SCN2A: variants seen among roughly 807,000 people sequenced by gnomAD.
SCN2A encodes the protein sodium channel protein type 2 subunit alpha.
In SCN2A, 20 loss-of-function variants were observed where a neutral mutation model predicts 188.7. The ratio of observed to expected loss-of-function variants is 0.11; its 90% CI spans 0.07 to 0.15. The LOEUF is 0.15. SCN2A is among the 10% of genes least tolerant of loss of function. The pLI is 1.00. For missense variants in SCN2A, 1,278 were observed against 2,445.0 expected, an observed-to-expected ratio of 0.52 and a Z score of 10.07; for synonymous variants, 804 against 833.1, an observed-to-expected ratio of 0.97 and a Z score of 0.60.
At chr2:165,295,475 T>G (rs751351028) in intron 1 of SCN2A, among the ~76,000 whole-genome samples, 13 of 152,168 alleles carry the variant, frequency 8.5e-5, no homozygotes, top group Non-Finnish European at 1.8e-4. Context: ...CAAACCAGTA[T>G]CCTCCATTTC....
intron 17 of SCN2A, among the ~76,000 whole-genome samples, chr2:165,361,275 T>C (rs997218718): frequency 7.9e-5 from 12 of 152,034 alleles, no homozygotes; most frequent in Admixed American, 4.6e-4. Flanking sequence ...CATTAAAATA[T>C]GTTAACAACT....
intron 14 of SCN2A, among the ~76,000 whole-genome samples, chr2:165,338,019 T>G (rs1426675361): frequency 6.6e-6 from 1 of 152,142 alleles, no homozygotes; most frequent in Non-Finnish European, 1.5e-5. Flanking sequence ...ATCATCCAGG[T>G]AATAAGCATA....
intron 17 of SCN2A, among the ~76,000 whole-genome samples, chr2:165,360,406 T>C (rs932056596): frequency 1.3e-5 from 2 of 152,008 alleles, no homozygotes; most frequent in Non-Finnish European, 2.9e-5. Flanking sequence ...AAATGAAGTA[T>C]TGTACCTTGA....
chr2:165,337,596 T>A (rs766494649), intron 14 of SCN2A, among the ~76,000 whole-genome samples: 4 of 152,094 alleles, frequency 2.6e-5, no homozygotes, highest in Non-Finnish European at 5.9e-5. Context: ...GAAAAATATT[T>A]ACTATATACA....
intron 1 of SCN2A, among the ~76,000 whole-genome samples, chr2:165,278,767 C>T (rs1361898549): frequency 6.6e-6 from 1 of 152,054 alleles, no homozygotes; most frequent in African/African-American, 2.4e-5. Flanking sequence ...CCCATCTCTA[C>T]AAAATGTTAG....
intron 1 of SCN2A, among the ~76,000 whole-genome samples, chr2:165,251,221 A>G (rs538471992): frequency 1.1e-3 from 167 of 152,196 alleles, no homozygotes; most frequent in Non-Finnish European, 2.0e-3. Context: ...CAACAACAAC[A>G]AAGTGTGTTG....
In SCN2A at chr2:165,390,730, A is replaced by G. The variant is rs534998022; in HGVS notation, c.*906A>G. ...CAGCAGCATGACTATCACATTTTTG[A>G]TAAGTGTCCTTTGGCATAAAATAAA... is the stretch of plus-strand genomic sequence containing the variant. On this transcript the variant is annotated 3_prime_UTR_variant, in exon 27 of 27. Coordinates refer to ENST00000375437, the MANE Select transcript of SCN2A (RefSeq NM_001040142.2). The G allele has an allele frequency of 1.3e-5, 2 of 152,440 alleles. No homozygotes were observed. Among genetic ancestry groups the G allele is most frequent in the Non-Finnish European group, 2.9e-5 (2 of 68,004 alleles). 9.4% of individuals were successfully genotyped at this position (152,440 alleles called of 1,614,324 possible).
intron 26 of SCN2A, among the ~76,000 whole-genome samples, chr2:165,387,873 A>G (rs1261000214): frequency 6.6e-6 from 1 of 152,078 alleles, no homozygotes; most frequent in East Asian, 1.9e-4. Context: ...TAGCATTAAG[A>G]GGTAAGATTT....
At chr2:165,375,261 C>T (rs1433400496) in intron 22 of SCN2A, among the ~76,000 whole-genome samples, 1 of 151,914 alleles carries the variant, frequency 6.6e-6, no homozygotes, top group Non-Finnish European at 1.5e-5. Flanking sequence ...ATTAAATCAA[C>T]ATGTCAAAGA....
At chr2:165,278,197 C>T (rs903239551) in intron 1 of SCN2A, among the ~76,000 whole-genome samples, 3 of 152,102 alleles carry the variant, frequency 2.0e-5, no homozygotes, top group Admixed American at 1.3e-4. Context: ...TTTAGAAGAC[C>T]GTGAGCACAT....
chr2:165,279,177 T>C (rs1695478582), intron 1 of SCN2A, among the ~76,000 whole-genome samples: 1 of 152,196 alleles, frequency 6.6e-6, no homozygotes. Context: ...CTTTCCCATA[T>C]ACCACATTAT....
chr2:165,331,632 C>A, intron 14 of SCN2A, 64 bp downstream of exon 14: 2 of 1,232,516 alleles, frequency 1.6e-6, no homozygotes, highest in Non-Finnish European at 2.4e-6. Flanking sequence ...GTGAATTTTA[C>A]ATATTGCTCT....
At chr2:165,276,534 G>A (rs1250008043) in intron 1 of SCN2A, among the ~76,000 whole-genome samples, 3 of 152,148 alleles carry the variant, frequency 2.0e-5, no homozygotes, top group East Asian at 1.9e-4. Flanking sequence ...CATTGCTCTC[G>A]AATGCTTTCT....
In SCN2A at chr2:165,289,303, A is replaced by T. The variant is rs981611428; in HGVS notation, c.-51-6470A>T. 1.2e-4 allele frequency among the ~76,000 whole-genome samples: 18 copies of T among 152,140 alleles called. 1 individual carries two copies. The highest frequency in any genetic ancestry group is 2.2e-4 in the Non-Finnish European group (15 of 67,908). ...ATGTGTAATAACATGATTTTTTAAA[A>T]TTTTAATTTAGAAAAAATATATTCC... On this transcript the variant is annotated intron_variant, in intron 1 of 26. Transcript: ENST00000375437.
Position 165,391,056 on chromosome 2 carries a change from G to A in SCN2A, c.*1232G>A, listed in dbSNP as rs150561084. The A allele has an allele frequency of 1.3e-4, 20 of 152,622 alleles. No individual in the cohort carries two copies. The highest frequency in any genetic ancestry group is 4.3e-4 in the African/African-American group (18 of 41,558). The allele number at this position is 152,622 out of a possible 1,614,324, so 9.5% of individuals were successfully genotyped here. A position where few individuals can be genotyped will look rare whatever the true frequency, so the allele number is the denominator to read the frequency against. The stretch of plus-strand genomic sequence containing the variant: ...TTCAACAGGTAATATGATGTAATTG[G>A]TTCCATTATAGTTTGAAGCTGTCAC... On this transcript the variant is annotated 3_prime_UTR_variant, in exon 27 of 27. Transcript: ENST00000375437.
chr2:165,261,277 G>T (rs1226800270), intron 1 of SCN2A, among the ~76,000 whole-genome samples: 1 of 152,162 alleles, frequency 6.6e-6, no homozygotes, highest in Non-Finnish European at 1.5e-5. Flanking sequence ...TTTATCTTTT[G>T]TAGAAGAACT....
chr2:165,278,677 G>A (rs546564251), intron 1 of SCN2A, among the ~76,000 whole-genome samples: 1 of 152,266 alleles, frequency 6.6e-6, no homozygotes, highest in East Asian at 1.9e-4. Flanking sequence ...GTGGCTCATG[G>A]CCATAATCCC....
chr2:165,305,815 C>T (rs575956763), intron 3 of SCN2A, among the ~76,000 whole-genome samples: 1 of 152,154 alleles, frequency 6.6e-6, no homozygotes, highest in East Asian at 1.9e-4. Context: ...AAAAGTTTGG[C>T]CATGATATGG....
chr2:165,284,273 C>T (rs1290981855), intron 1 of SCN2A, among the ~76,000 whole-genome samples: 3 of 152,022 alleles, frequency 2.0e-5, no homozygotes, highest in African/African-American at 4.8e-5. Context: ...TGGGTTCATG[C>T]CATTCTCCTG....
Sources: gnomAD v4.1 joint callset for allele counts (sites outside exome capture counted in the v4.1 genomes callset) on GRCh38, gnomAD v4.1.1 for gene constraint, MANE v1.5 for transcripts, NCBI Gene and HGNC (gene_info 2026-07-23, HGNC 2026-07-21) for gene names.